Variants in FBXL13 observed in about 807,000 individuals in gnomAD.
FBXL13 encodes the protein F-box and leucine rich repeat protein 13.
FBXL13 carries 67 observed loss-of-function variants against 83.6 expected under a neutral mutation model. That is an observed-to-expected ratio of 0.80 (90% CI 0.66 to 0.98). FBXL13 has a LOEUF of 0.98. Ranked by LOEUF, FBXL13 falls within the 50% of genes least tolerant of loss-of-function variation. The pLI, the probability that FBXL13 is intolerant of heterozygous loss-of-function variation, is 0.00. For synonymous variants in FBXL13, 272 were observed against 299.5 expected, an observed-to-expected ratio of 0.91 and a Z score of 0.95; for missense variants, 822 against 866.5, an observed-to-expected ratio of 0.95 and a Z score of 0.64.
intron 6 of FBXL13, among the ~76,000 whole-genome samples, chr7:102,969,940 G>A (rs1258486662): frequency 6.6e-6 from 1 of 151,904 alleles, no homozygotes; most frequent in Admixed American, 6.6e-5. Flanking sequence ...AAAAACTAAG[G>A]TATCTAGCCT....
At chr7:102,907,060 C>T (rs955156391) in intron 11 of FBXL13, among the ~76,000 whole-genome samples, 16 of 152,144 alleles carry the variant, frequency 1.1e-4, no homozygotes, top group African/African-American at 3.9e-4. Flanking sequence ...GCAACCTCCA[C>T]CTCCCGGGTT....
chr7:103,052,394 G>A (rs1796906867), intron 2 of FBXL13, among the ~76,000 whole-genome samples: 1 of 151,886 alleles, frequency 6.6e-6, no homozygotes, highest in African/African-American at 2.4e-5. Context: ...TGGCTTTAGT[G>A]TATATACTTT....
In FBXL13 at chr7:102,814,022, C is replaced by A. The variant is rs549773724; in HGVS notation, c.2019-491G>T. 3.3e-5 allele frequency among the ~76,000 whole-genome samples: 5 copies of A among 152,194 alleles called. No homozygotes were observed. In the East Asian group the frequency reaches 9.7e-4, roughly 29 times the overall value. On this transcript the variant is annotated intron_variant, in intron 19 of 19. Transcript: ENST00000313221. Reference sequence around the variant, plus strand: ...TTCATGCAGTTTTGTCTATAATACACATTTTTATGAGAAGGTTTGTGACTC... The same window carrying A: ...TTCATGCAGTTTTGTCTATAATACAAATTTTTATGAGAAGGTTTGTGACTC...
intron 11 of FBXL13, among the ~76,000 whole-genome samples, chr7:102,890,546 G>A (rs1469897007): frequency 6.6e-6 from 1 of 152,238 alleles, no homozygotes; most frequent in East Asian, 1.9e-4. Context: ...CCTCTGGGTG[G>A]GTCTCAACCC....
intron 16 of FBXL13, among the ~76,000 whole-genome samples, chr7:102,866,511 C>T (rs777873646): frequency 7.2e-5 from 11 of 152,190 alleles, no homozygotes; most frequent in Admixed American, 2.0e-4. Context: ...TGAAAATCCA[C>T]GGCAAATCCA....
At chr7:103,012,374 C>CA (rs774447997) in intron 6 of FBXL13, among the ~76,000 whole-genome samples, 719 of 52,728 alleles carry the variant, frequency 0.014, 3 homozygotes, top group Middle Eastern at 0.037. Context: ...AACTCCAACT[C>CA]AAAAAAAAAA....
intron 19 of FBXL13, chr7:102,814,209 G>A (rs536019687): frequency 6.6e-6 from 1 of 152,286 alleles, no homozygotes; most frequent in Non-Finnish European, 1.5e-5. Context: ...TAGAAAGTTG[G>A]TTTGAATCAC....
chr7:102,946,076 T>C (rs995810943), intron 8 of FBXL13, among the ~76,000 whole-genome samples: 4 of 152,158 alleles, frequency 2.6e-5, no homozygotes, highest in African/African-American at 9.7e-5. Flanking sequence ...GAGACGAGGT[T>C]TCACCATGTT....
intron 16 of FBXL13, chr7:102,874,250 TA>T: frequency 1.4e-6 from 1 of 691,708 alleles, no homozygotes; most frequent in Non-Finnish European, 1.8e-6. Flanking sequence ...CTCAGACCTA[TA>T]ATCAATCAGG....
chr7:102,890,611 C>A (rs1360594161), intron 11 of FBXL13, among the ~76,000 whole-genome samples: 1 of 152,230 alleles, frequency 6.6e-6, no homozygotes, highest in African/African-American at 2.4e-5. Context: ...CAGTGAGCCA[C>A]ATACTTACTA....
intron 6 of FBXL13, among the ~76,000 whole-genome samples, chr7:102,981,039 T>C (rs373644144): frequency 1.3e-5 from 2 of 152,162 alleles, no homozygotes; most frequent in African/African-American, 4.8e-5. Context: ...CCAACAAGCC[T>C]TGGAAAGGTA....
intron 3 of FBXL13, 29 bp from the exon 5 acceptor site, chr7:103,028,777 T>C (rs1794204519): frequency 3.3e-6 from 5 of 1,519,760 alleles, no homozygotes; most frequent in Non-Finnish European, 4.4e-6. Context: ...TTTTAAAAAA[T>C]AATATTTTGA....
chr7:103,023,894 A>C (rs1463116327), intron 6 of FBXL13, among the ~76,000 whole-genome samples: 2 of 152,118 alleles, frequency 1.3e-5, no homozygotes. Flanking sequence ...AATACTACAC[A>C]TTCTCACTTA....
chr7:103,048,012 CATACATTA>C (rs1408264570), intron 2 of FBXL13, among the ~76,000 whole-genome samples: 4 of 152,140 alleles, frequency 2.6e-5, no homozygotes, highest in African/African-American at 9.7e-5. Flanking sequence ...AATTTTAGAA[CATACATTA>C]ATATCATTCA....
In FBXL13 at chr7:102,894,744, AAG is replaced by A. The variant is rs545771189; in HGVS notation, c.1009-10434_1009-10433del. Among the ~76,000 whole-genome samples, 876 of 150,780 alleles carry A rather than the reference AAG, an allele frequency of 5.8e-3. 3 individuals are homozygous for A. Among genetic ancestry groups the A allele is most frequent in the African/African-American group, 0.019 (759 of 40,934 alleles). On this transcript the variant is annotated intron_variant, in intron 11 of 19. Transcript: ENST00000313221. ...ACTTTGTCTCTTAAAAAAAAAAAAA[AAG>A]AGAGAGAGAGAGAGAAAATACTTTC...
chr7:103,045,200 T>G (rs1290411962), intron 2 of FBXL13, among the ~76,000 whole-genome samples: 1 of 152,182 alleles, frequency 6.6e-6, no homozygotes, highest in Admixed American at 6.5e-5. Context: ...TGAACACAGT[T>G]TGAACACTCA....
chr7:102,917,298 T>C (rs917967039), intron 10 of FBXL13, among the ~76,000 whole-genome samples: 5 of 152,132 alleles, frequency 3.3e-5, no homozygotes, highest in East Asian at 1.9e-4. Context: ...TCCAAGCCAA[T>C]TGAAAGGTCA....
intron 10 of FBXL13, among the ~76,000 whole-genome samples, chr7:102,916,382 C>A (rs1026063790): frequency 1.3e-5 from 2 of 152,148 alleles, no homozygotes; most frequent in African/African-American, 4.8e-5. Context: ...CAGCTAAGAA[C>A]CTCTGGTTTA....
At chr7:102,982,923 A>T (rs1828432091) in intron 6 of FBXL13, among the ~76,000 whole-genome samples, 1 of 152,224 alleles carries the variant, frequency 6.6e-6, no homozygotes, top group Admixed American at 6.5e-5. Context: ...GAATAAACTC[A>T]GCGTCTTCCA....
Sources: allele counts gnomAD v4.1 joint callset (sites outside exome capture counted in the v4.1 genomes callset), GRCh38; gene constraint gnomAD v4.1.1; transcripts MANE v1.5; gene names NCBI Gene and HGNC (gene_info 2026-07-23, HGNC 2026-07-21).